SYT2: variants seen among roughly 807,000 people sequenced by gnomAD.
SYT2 encodes synaptotagmin 2.
SYT2 carries 15 observed loss-of-function variants against 39.9 expected under a neutral mutation model. The ratio of observed to expected loss-of-function variants is 0.38; its 90% CI spans 0.25 to 0.58. The LOEUF is 0.58. SYT2 is among the 20% of genes least tolerant of loss of function. SYT2 has a pLI of 0.70. For missense variants in SYT2, 389 were observed against 530.3 expected (o/e 0.73, Z 2.62); for synonymous variants, 181 against 204.5 (o/e 0.89, Z 0.98).
At chr1:202,613,792 C>T (rs1690955165) in intron 1 of SYT2, among the ~76,000 whole-genome samples, 1 of 152,172 alleles carries the variant, frequency 6.6e-6, no homozygotes, top group Non-Finnish European at 1.5e-5. Flanking sequence ...GCAGGGCAGG[C>T]AGGAGGCAGC....
In SYT2 at chr1:202,596,968, A is replaced by G. The variant is rs776738986; in HGVS notation, c.1054-5T>C. 7 of 1,611,800 alleles carry G rather than the reference A, an allele frequency of 4.3e-6. No homozygotes were observed. The South Asian group carries it at 7.7e-5, about 18-fold the overall frequency. Reference sequence around the variant, plus strand: ...GGTGACCACTACCTGGACTTTCTGCAAGGAAAACGAGGGAGGGAGTTGGCA... The same window carrying G: ...GGTGACCACTACCTGGACTTTCTGCGAGGAAAACGAGGGAGGGAGTTGGCA... On this transcript the variant is annotated splice_polypyrimidine_tract_variant and splice_region_variant and intron_variant, in intron 8 of 8. Coordinates refer to ENST00000367268, the MANE Select transcript of SYT2 (RefSeq NM_177402.5).
At chr1:202,666,618 G>A (rs1395865468) in intron 1 of SYT2, among the ~76,000 whole-genome samples, 1 of 152,160 alleles carries the variant, frequency 6.6e-6, no homozygotes, top group Non-Finnish European at 1.5e-5. Context: ...GAGACTCTCT[G>A]GGACCAATGT....
intron 1 of SYT2, among the ~76,000 whole-genome samples, chr1:202,626,398 C>CTTTTTT (rs58802666): frequency 5.5e-5 from 4 of 72,454 alleles, no homozygotes; most frequent in Admixed American, 1.8e-4. Flanking sequence ...AGCCTCTCAG[C>CTTTTTT]TTTTTTTTTT....
chr1:202,644,830 C>T (rs866446696), intron 1 of SYT2, among the ~76,000 whole-genome samples: 1 of 152,124 alleles, frequency 6.6e-6, no homozygotes, highest in African/African-American at 2.4e-5. Context: ...CCTTCTTCCC[C>T]TCCTCCAGGC....
chr1:202,654,523 C>A lies in SYT2; in HGVS notation c.-17-48734G>T, dbSNP rs1286992888. On this transcript the variant is annotated intron_variant, in intron 1 of 8. Transcript: ENST00000367268. The stretch of plus-strand genomic sequence containing the variant: ...ACAATCTTTTGTTAATTGCCTACTT[C>A]ATGTGTCAAATGCTATTCTCAGCAT... 2.0e-5 allele frequency among the ~76,000 whole-genome samples: 3 copies of A among 152,230 alleles called. No homozygotes were observed. The East Asian group carries it at 5.8e-4, about 29-fold the overall frequency.
At chr1:202,704,510 C>A (rs2149122849) in intron 1 of SYT2, among the ~76,000 whole-genome samples, 1 of 152,284 alleles carries the variant, frequency 6.6e-6, no homozygotes, top group East Asian at 1.9e-4. Flanking sequence ...CACCTGCACG[C>A]AAGGGTTGAC....
intron 1 of SYT2, among the ~76,000 whole-genome samples, chr1:202,704,281 C>T (rs543185561): frequency 6.6e-6 from 1 of 152,258 alleles, no homozygotes; most frequent in East Asian, 1.9e-4. Context: ...GCTAGGGGGA[C>T]CCAGGAGAGG....
chr1:202,640,229 C>A (rs1691862808), intron 1 of SYT2, among the ~76,000 whole-genome samples: 1 of 152,012 alleles, frequency 6.6e-6, no homozygotes, highest in Non-Finnish European at 1.5e-5. Context: ...ACGACTCCAA[C>A]AAACCTCCCA....
chr1:202,632,135 G>A lies in SYT2; in HGVS notation c.-17-26346C>T, dbSNP rs569554935. 299 of 946,980 alleles carry A rather than the reference G, an allele frequency of 3.2e-4. No individual in the cohort carries two copies. In the South Asian group the frequency reaches 5.5e-3, roughly 17 times the overall value. 58.7% of individuals were successfully genotyped at this position (946,980 alleles called of 1,614,324 possible). A position where few individuals can be genotyped will look rare whatever the true frequency, so the allele number is the denominator to read the frequency against. ...GAAGGAGCCAGCTCCCCAGGGCCTG[G>A]AATCTGCAGTGTTGCCACCACTAGA... On this transcript the variant is annotated intron_variant, in intron 1 of 8. Coordinates refer to ENST00000367268, the MANE Select transcript of SYT2 (RefSeq NM_177402.5).
intron 1 of SYT2, among the ~76,000 whole-genome samples, chr1:202,682,067 G>C (rs1364744190): frequency 6.6e-6 from 1 of 152,160 alleles, no homozygotes; most frequent in Non-Finnish European, 1.5e-5. Flanking sequence ...TCTGCCCAGA[G>C]CCAGCCCAGC....
At chr1:202,633,921 C>T (rs1691667903) in intron 1 of SYT2, among the ~76,000 whole-genome samples, 1 of 152,234 alleles carries the variant, frequency 6.6e-6, no homozygotes, top group Non-Finnish European at 1.5e-5. Context: ...ACAAACATTT[C>T]TTGGGCACCT....
At chr1:202,597,071 C>G (rs1690325721) in intron 8 of SYT2, 108 bp from the exon 9 acceptor site, 1 of 965,512 alleles carries the variant, frequency 1.0e-6, no homozygotes, top group African/African-American at 1.6e-5. Context: ...GTAAGGCCTC[C>G]TGGGGCTCCT....
rs4950781 is a variant in SYT2 at position 202,591,553 on chromosome 1, T to G, written c.*5204A>C. The G allele has an allele frequency of 0.52, 79,907 of 152,360 alleles. 23,418 individuals carry two copies. Among genetic ancestry groups the G allele is most frequent in the South Asian group, 0.7 (3,375 of 4,824 alleles). 9.4% of individuals were successfully genotyped at this position (152,360 alleles called of 1,614,324 possible). ...GGACTTAGTCCACACCTGCTCTGCC[T>G]GAGCCTCTCTCACAGCTGAACCTGC... On this transcript the variant is annotated 3_prime_UTR_variant, in exon 9 of 9. Transcript: ENST00000367268.
chr1:202,707,630 A>AC (rs1332146801), intron 1 of SYT2, among the ~76,000 whole-genome samples: 1 of 151,312 alleles, frequency 6.6e-6, no homozygotes, highest in Non-Finnish European at 1.5e-5. Flanking sequence ...ATGAAGCCCA[A>AC]CCTCCTCCCA....
chr1:202,671,193 G>A (rs1692583010), intron 1 of SYT2, among the ~76,000 whole-genome samples: 1 of 152,220 alleles, frequency 6.6e-6, no homozygotes, highest in Non-Finnish European at 1.5e-5. Context: ...CCACCTTTGA[G>A]AAAAGAACTC....
chr1:202,624,567 AGT>A lies in SYT2; in HGVS notation c.-17-18780_-17-18779del, dbSNP rs764506445. Among the ~76,000 whole-genome samples the A allele has an allele frequency of 4.4e-3, 365 of 83,388 alleles. 2 individuals are homozygous for A. The highest frequency in any genetic ancestry group is 5.8e-3 in the African/African-American group (100 of 17,334). The allele number at this position is 83,388 out of a possible 152,430, so 54.7% of individuals were successfully genotyped here. On this transcript the variant is annotated intron_variant, in intron 1 of 8. Transcript: ENST00000367268. ...GTGTGTGGTGTGTGTGGTGTTTAGT[AGT>A]GTGTGTGGTGTGTGATGTGTGTGGT...
intron 1 of SYT2, among the ~76,000 whole-genome samples, chr1:202,667,027 A>C (rs184077742): frequency 7.2e-5 from 11 of 152,250 alleles, no homozygotes; most frequent in African/African-American, 2.6e-4. Context: ...AAAGATTGTC[A>C]TTATGTTCTC....
At chr1:202,694,014 C>G (rs1328601720) in intron 1 of SYT2, among the ~76,000 whole-genome samples, 1 of 152,172 alleles carries the variant, frequency 6.6e-6, no homozygotes. Context: ...CCAGATCTCT[C>G]ATGAACTCAG....
chr1:202,618,703 C>G (rs191041863), intron 1 of SYT2, among the ~76,000 whole-genome samples: 129 of 152,280 alleles, frequency 8.5e-4, no homozygotes, highest in African/African-American at 3.0e-3. Context: ...CTTCCCACAG[C>G]CCACATCTGC....
Sources: allele counts gnomAD v4.1 joint callset (sites outside exome capture counted in the v4.1 genomes callset), GRCh38; gene constraint gnomAD v4.1.1; transcripts MANE v1.5; gene names NCBI Gene and HGNC (gene_info 2026-07-23, HGNC 2026-07-21).